CADM2: variants seen among roughly 807,000 people sequenced by gnomAD.
CADM2 encodes the protein immunoglobulin superfamily member 4D.
In CADM2, 12 loss-of-function variants were observed where a neutral mutation model predicts 49.8. The ratio of observed to expected loss-of-function variants is 0.24; its 90% confidence interval spans 0.15 to 0.39. The LOEUF (loss-of-function observed/expected upper bound fraction) is 0.39. CADM2 is among the 10% of genes least tolerant of loss of function. The pLI is 1.00. For missense variants in CADM2, 378 were observed against 492.3 expected, an observed-to-expected ratio of 0.77 and a Z score of 2.20; for synonymous variants, 214 against 175.4, an observed-to-expected ratio of 1.22 and a Z score of -1.74.
chr3:85,633,587 A>T (rs1250240835), intron 1 of CADM2, among the ~76,000 whole-genome samples: 2 of 152,076 alleles, frequency 1.3e-5, no homozygotes, highest in Non-Finnish European at 2.9e-5. Context: ...TTTTCTTAAA[A>T]TTCAAACATT....
chr3:84,979,233 AGTG>A (rs2032017042), intron 1 of CADM2, among the ~76,000 whole-genome samples: 1 of 152,218 alleles, frequency 6.6e-6, no homozygotes, highest in African/African-American at 2.4e-5. Context: ...ATTTATCACT[AGTG>A]GTGTTTGTAA....
intron 1 of CADM2, among the ~76,000 whole-genome samples, chr3:85,359,673 T>A (rs1454838227): frequency 8.3e-4 from 104 of 125,112 alleles, no homozygotes; most frequent in African/African-American, 3.0e-3. Flanking sequence ...TATATTTTTT[T>A]TTTTGGTGGA....
intron 1 of CADM2, among the ~76,000 whole-genome samples, chr3:85,139,827 TA>T (rs1226920769): frequency 6.6e-6 from 1 of 152,116 alleles, no homozygotes; most frequent in African/African-American, 2.4e-5. Flanking sequence ...GAGAGGTAAT[TA>T]CATTTACTAC....
Position 86,012,959 on chromosome 3 carries a change from C to G in CADM2, c.970+51312C>G, listed in dbSNP as rs1273769863. 9 of 718,318 alleles carry G rather than the reference C, an allele frequency of 1.3e-5. No homozygotes were observed. The Admixed American group carries it at 1.6e-4, about 13-fold the overall frequency. The allele number at this position is 718,318 out of a possible 1,614,324, so 44.5% of individuals were successfully genotyped here. A position where few individuals can be genotyped will look rare whatever the true frequency, so the allele number is the denominator to read the frequency against. ...CACTGCACTCCAGCCTGGGCGACAG[C>G]GAGACTCCATCTCAAAAACAAAAAC... On this transcript the variant is annotated intron_variant, in intron 8 of 9. Transcript: ENST00000383699.
chr3:85,237,609 A>G (rs1339062108), intron 1 of CADM2, among the ~76,000 whole-genome samples: 1 of 151,614 alleles, frequency 6.6e-6, no homozygotes, highest in East Asian at 1.9e-4. Flanking sequence ...ACACTGAATT[A>G]TGTTGTATGG....
intron 1 of CADM2, among the ~76,000 whole-genome samples, chr3:85,447,145 G>T (rs1234744764): frequency 6.6e-6 from 1 of 150,456 alleles, no homozygotes; most frequent in African/African-American, 2.4e-5. Context: ...TGCTATATTG[G>T]CCCCAGAGGA....
chr3:85,111,826 T>G (rs1203119763), intron 1 of CADM2, among the ~76,000 whole-genome samples: 1 of 151,906 alleles, frequency 6.6e-6, no homozygotes, highest in Non-Finnish European at 1.5e-5. Flanking sequence ...TGCCATCAAC[T>G]TTCAACTGTA....
chr3:85,606,504 A>C (rs766842829), intron 1 of CADM2, among the ~76,000 whole-genome samples: 2 of 152,162 alleles, frequency 1.3e-5, no homozygotes, highest in Non-Finnish European at 2.9e-5. Flanking sequence ...TGGTATATTT[A>C]CTAAATTGTT....
At chr3:85,232,500 A>G (rs983446644) in intron 1 of CADM2, among the ~76,000 whole-genome samples, 1 of 152,168 alleles carries the variant, frequency 6.6e-6, no homozygotes, top group African/African-American at 2.4e-5. Context: ...CTGAGAAAAT[A>G]TTTTCAGAGC....
At chr3:85,746,663 A>T (rs1247597424) in intron 2 of CADM2, among the ~76,000 whole-genome samples, 1 of 152,064 alleles carries the variant, frequency 6.6e-6, no homozygotes, top group South Asian at 2.1e-4. Flanking sequence ...TGTCTGCTTT[A>T]GAGTCTTATC....
At chr3:85,416,052 A>G (rs1187393505) in intron 1 of CADM2, among the ~76,000 whole-genome samples, 1 of 152,132 alleles carries the variant, frequency 6.6e-6, no homozygotes. Context: ...TTGAGGTTTT[A>G]TACCAAAACA....
intron 7 of CADM2, among the ~76,000 whole-genome samples, chr3:85,936,800 T>C (rs73132649): frequency 0.054 from 8,251 of 151,886 alleles, 357 homozygotes; most frequent in South Asian, 0.11. Context: ...ACTTCATAAA[T>C]TGTATGTCAT....
At chr3:85,274,931 G>A (rs2043322365) in intron 1 of CADM2, among the ~76,000 whole-genome samples, 1 of 151,394 alleles carries the variant, frequency 6.6e-6, no homozygotes, top group African/African-American at 2.4e-5. Flanking sequence ...AAGGCTGTGT[G>A]TACACGAGAG....
intron 1 of CADM2, among the ~76,000 whole-genome samples, chr3:85,241,373 G>A (rs994258420): frequency 6.6e-6 from 1 of 151,544 alleles, no homozygotes; most frequent in Non-Finnish European, 1.5e-5. Flanking sequence ...TAGTCTGGGA[G>A]AAAGGAATTG....
chr3:86,032,132 C>A (rs1320840304), intron 8 of CADM2, among the ~76,000 whole-genome samples: 1 of 151,586 alleles, frequency 6.6e-6, no homozygotes, highest in African/African-American at 2.4e-5. Context: ...TGATTTAATA[C>A]ACCAATTAAA....
intron 1 of CADM2, among the ~76,000 whole-genome samples, chr3:85,201,991 A>G (rs186879567): frequency 1.3e-3 from 192 of 151,322 alleles, no homozygotes; most frequent in African/African-American, 4.1e-3. Context: ...GAGGCAGGAG[A>G]ACCGCTTGAA....
At chr3:85,731,292 G>A (rs887361789) in intron 2 of CADM2, among the ~76,000 whole-genome samples, 2 of 152,246 alleles carry the variant, frequency 1.3e-5, no homozygotes, top group Non-Finnish European at 2.9e-5. Flanking sequence ...TTTGTATCAT[G>A]TAGTATTTCT....
chr3:85,629,773 T>C (rs2064249581), intron 1 of CADM2, among the ~76,000 whole-genome samples: 2 of 152,144 alleles, frequency 1.3e-5, no homozygotes, highest in Middle Eastern at 3.4e-3. Flanking sequence ...ACTTTATGTA[T>C]ACACAATAGG....
intron 1 of CADM2, among the ~76,000 whole-genome samples, chr3:85,541,775 T>TTATATATATATATA (rs10576590): frequency 9.1e-5 from 8 of 88,318 alleles, no homozygotes; most frequent in African/African-American, 2.6e-4. Flanking sequence ...ATTTTATATT[T>TTATATATATATATA]TATATATATA....
Sources: gnomAD v4.1 joint callset for allele counts (sites outside exome capture counted in the v4.1 genomes callset) on GRCh38, gnomAD v4.1.1 for gene constraint, MANE v1.5 for transcripts, NCBI Gene and HGNC (gene_info 2026-07-23, HGNC 2026-07-21) for gene names.